Variants in ALDH3A1 observed in about 807,000 individuals in gnomAD.
ALDH3A1 encodes the protein aldehyde dehydrogenase 3 family member A1.
ALDH3A1 carries 46 observed loss-of-function variants against 49.9 expected under a neutral mutation model. The ratio of observed to expected loss-of-function variants is 0.92; its 90% confidence interval spans 0.73 to 1.18. ALDH3A1 has a LOEUF of 1.18. Among genes scored for constraint, ALDH3A1 ranks in the 50% most tolerant of loss-of-function variants. ALDH3A1 has a pLI of 0.00. For synonymous variants in ALDH3A1, 269 were observed against 253.3 expected (o/e 1.06, Z -0.59); for missense variants, 592 against 611.8 (o/e 0.97, Z 0.34).
At chr17:19,744,901 G>GCCGCCCCCCC (rs1555546867) in intron 2 of ALDH3A1, 67 bp downstream of exon 2, 6 of 437,680 alleles carry the variant, frequency 1.4e-5, no homozygotes, top group African/African-American at 1.0e-4. Flanking sequence ...ACTCTCCCCA[G>GCCGCCCCCCC]CCCCTCCCCC....
intron 2 of ALDH3A1, chr17:19,744,215 C>T: frequency 3.9e-6 from 3 of 774,218 alleles, no homozygotes; most frequent in Non-Finnish European, 4.7e-6. Flanking sequence ...ACCAGCCTGT[C>T]CAACATGGCG....
intron 6 of ALDH3A1, 103 bp from the exon 7 acceptor site, chr17:19,740,580 T>C: frequency 7.5e-7 from 1 of 1,333,392 alleles, no homozygotes; most frequent in Non-Finnish European, 1.0e-6. Context: ...GGTGGTGGGA[T>C]TCTGGGTGGA....
chr17:19,745,178 C>A, intron 1 of ALDH3A1, 44 bp from the exon 2 acceptor site: 1 of 1,518,188 alleles, frequency 6.6e-7, no homozygotes. Context: ...GGCACGAGCG[C>A]GCCCTGCCTC....
intron 4 of ALDH3A1, 114 bp downstream of exon 4, chr17:19,742,431 C>T: frequency 7.8e-7 from 1 of 1,275,484 alleles, no homozygotes; most frequent in East Asian, 2.3e-5. Context: ...ATCCTCAGCC[C>T]CACCAGTAGC....
At position 19,738,472 on chromosome 17, in the gene ALDH3A1, C is replaced by A. The variant is rs750958007; in HGVS notation, c.1217-19G>T. Reference sequence around the variant, plus strand: ...CTGTTCCCTGCGGAGGAGAAGTAAGCACAGGGCTCAGCATCCTGCCCCCAG... The same window carrying A: ...CTGTTCCCTGCGGAGGAGAAGTAAGAACAGGGCTCAGCATCCTGCCCCCAG... On this transcript the variant is annotated intron_variant, in intron 9 of 10. Coordinates refer to ENST00000225740, the MANE Select transcript of ALDH3A1 (RefSeq NM_000691.5). 1.2e-6 allele frequency: 2 copies of A among 1,602,490 alleles called. No homozygotes were observed. The highest frequency in any genetic ancestry group is 8.5e-7 in the Non-Finnish European group (1 of 1,171,190).
At chr17:19,738,589 C>G (rs1220172451) in intron 9 of ALDH3A1, 136 bp from the exon 10 acceptor site, 3 of 1,323,176 alleles carry the variant, frequency 2.3e-6, no homozygotes, top group Non-Finnish European at 2.1e-6. Flanking sequence ...ACCCATCCTT[C>G]CCTCAAATCC....
At chr17:19,747,842 T>A (rs2086619725) in intron 1 of ALDH3A1, 1 of 155,884 alleles carries the variant, frequency 6.4e-6, no homozygotes, top group South Asian at 2.0e-4. Context: ...CGGTTATGAG[T>A]GCATTTTACA....
At chr17:19,744,826 G>A in intron 2 of ALDH3A1, 142 bp downstream of exon 2, 2 of 1,349,600 alleles carry the variant, frequency 1.5e-6, no homozygotes, top group Non-Finnish European at 1.9e-6. Flanking sequence ...GGAGGGCGGT[G>A]CGCCCAGTCT....
chr17:19,747,138 T>G (rs767124384), intron 1 of ALDH3A1, among the ~76,000 whole-genome samples: 1 of 152,154 alleles, frequency 6.6e-6, no homozygotes, highest in Non-Finnish European at 1.5e-5. Context: ...AAACCCTATA[T>G]ATCATATGTA....
At chr17:19,747,657 T>C (rs968339276) in intron 1 of ALDH3A1, among the ~76,000 whole-genome samples, 1 of 152,014 alleles carries the variant, frequency 6.6e-6, no homozygotes, top group Non-Finnish European at 1.5e-5. Context: ...AAATGGGAGC[T>C]GCTGCAGCAT....
intron 1 of ALDH3A1, chr17:19,747,894 G>C: frequency 6.1e-6 from 1 of 165,030 alleles, no homozygotes; most frequent in Non-Finnish European, 1.3e-5. Context: ...TGCTGTATCT[G>C]ATCTCACAGT....
At chr17:19,738,647 C>T (rs2086432583) in intron 9 of ALDH3A1, 194 bp from the exon 10 acceptor site, 1 of 828,804 alleles carries the variant, frequency 1.2e-6, no homozygotes, top group African/African-American at 1.7e-5. Flanking sequence ...TTCTGGGCCT[C>T]CTGAGGGTGG....
At position 19,743,067 on chromosome 17, in the gene ALDH3A1, C is replaced by G; in HGVS notation, c.394+165G>C. The G allele has an allele frequency of 6.5e-7, 1 of 1,534,122 alleles. No homozygotes were observed. Among genetic ancestry groups the G allele is most frequent in the Non-Finnish European group, 8.7e-7 (1 of 1,146,274 alleles). ...CCTGAGCCTGACTGGACCTCAGGCA[C>G]CAAGAGGCCTGGCTAAACAGCTTGG... On this transcript the variant is annotated intron_variant, in intron 3 of 10. Transcript: ENST00000225740. This position sits in a 1 kb window ranked among gnomAD's most constrained non-coding sequence, Gnocchi z 4.4.
chr17:19,738,957 G>C, intron 9 of ALDH3A1, 39 bp downstream of exon 9: 1 of 1,587,092 alleles, frequency 6.3e-7, no homozygotes. Flanking sequence ...CCCAGCCCTG[G>C]GGCCCAGAGG....
In ALDH3A1 at chr17:19,743,865, C is replaced by T. The variant is rs930390607; in HGVS notation, c.163-402G>A. The T allele has an allele frequency of 1.0e-6, 1 of 984,190 alleles. No individual in the cohort carries two copies. Among genetic ancestry groups the T allele is most frequent in the African/African-American group, 1.8e-5 (1 of 56,776 alleles). The allele number at this position is 984,190 out of a possible 1,614,324, so 61.0% of individuals were successfully genotyped here. A position where few individuals can be genotyped will look rare whatever the true frequency, so the allele number is the denominator to read the frequency against. ...TCGGGCACTGGGAGCTGGATCCGGG[C>T]AGGGTGGAGGGAGCCAGGCCCTTTA... On this transcript the variant is annotated intron_variant, in intron 2 of 10. Coordinates refer to ENST00000225740, the MANE Select transcript of ALDH3A1 (RefSeq NM_000691.5). This position sits in a 1 kb window ranked among gnomAD's most constrained non-coding sequence, Gnocchi z 4.4.
At chr17:19,744,121 G>T in intron 2 of ALDH3A1, 2 of 985,366 alleles carry the variant, frequency 2.0e-6, no homozygotes, top group Non-Finnish European at 2.4e-6. Context: ...TAGCAGGCCC[G>T]GCGCTGTGGC....
At chr17:19,745,941 A>G (rs1337056875) in intron 1 of ALDH3A1, among the ~76,000 whole-genome samples, 1 of 152,240 alleles carries the variant, frequency 6.6e-6, no homozygotes, top group African/African-American at 2.4e-5. Context: ...CAAAGATCCG[A>G]AAGAAAGGAG....
intron 1 of ALDH3A1, among the ~76,000 whole-genome samples, chr17:19,746,112 C>T (rs549355529): frequency 2.6e-4 from 40 of 152,282 alleles, no homozygotes; most frequent in African/African-American, 9.4e-4. Context: ...AGGCCGGGCG[C>T]GGTGGCTCAC....
intron 8 of ALDH3A1, 145 bp downstream of exon 8, chr17:19,739,363 A>T: frequency 9.6e-7 from 1 of 1,040,214 alleles, no homozygotes. Flanking sequence ...TGCTGTCCTG[A>T]TCTTACAGAC....
Sources: allele counts gnomAD v4.1 joint callset (sites outside exome capture counted in the v4.1 genomes callset), GRCh38; gene constraint gnomAD v4.1.1; non-coding constraint Gnocchi (gnomAD v3.1); transcripts MANE v1.5; gene names NCBI Gene and HGNC (gene_info 2026-07-23, HGNC 2026-07-21).